The following TRDN variants were observed in gnomAD, a reference collection of about 807,000 sequenced individuals.
The protein encoded by TRDN is triadin in skeletal muscle.
A neutral mutation model predicts 149.7 loss-of-function variants in TRDN; 161 were observed. That is an observed-to-expected ratio of 1.08 (90% CI 0.95 to 1.23). The LOEUF is 1.23. Ranked by LOEUF, TRDN falls within the 50% of genes most tolerant of loss-of-function variation. TRDN has a pLI of 0.00. For synonymous variants in TRDN, 294 were observed against 250.5 expected (o/e 1.17, Z -1.64); for missense variants, 896 against 823.5 (o/e 1.09, Z -1.08).
intron 26 of TRDN, among the ~76,000 whole-genome samples, chr6:123,276,256 T>C (rs1777363491): frequency 6.6e-6 from 1 of 152,138 alleles, no homozygotes; most frequent in Non-Finnish European, 1.5e-5. Context: ...GCTAGAAATA[T>C]GAGTTTTAAA....
chr6:123,290,252 G>A (rs1216650072), intron 24 of TRDN, among the ~76,000 whole-genome samples: 1 of 151,810 alleles, frequency 6.6e-6, no homozygotes. Context: ...TCAGGCAGCT[G>A]GGTCCCAATT....
In TRDN at chr6:123,304,277, G is replaced by T. The variant is rs1455644236; in HGVS notation, c.1510+12180C>A. On this transcript the variant is annotated intron_variant, in intron 24 of 40. Coordinates refer to ENST00000334268, the MANE Select transcript of TRDN (RefSeq NM_006073.4). ...CTTTTTTTTTTTTTTTTTTTGAGAC[G>T]GAGTCTTGCTCTGTTGCCAGACTGG... Among the ~76,000 whole-genome samples, 3 of 131,830 alleles carry T rather than the reference G, an allele frequency of 2.3e-5. No individual in the cohort carries two copies. The Admixed American group carries it at 2.6e-4, about 11-fold the overall frequency. 86.5% of individuals were successfully genotyped at this position (131,830 alleles called of 152,430 possible). A position where few individuals can be genotyped will look rare whatever the true frequency, so the allele number is the denominator to read the frequency against.
chr6:123,271,462 T>C (rs912459552), intron 29 of TRDN, among the ~76,000 whole-genome samples: 2 of 152,056 alleles, frequency 1.3e-5, no homozygotes, highest in African/African-American at 4.8e-5. Context: ...TTGCCTTCAC[T>C]GTATTTCAGT....
At chr6:123,384,288 T>C (rs1781826946) in intron 14 of TRDN, among the ~76,000 whole-genome samples, 1 of 152,160 alleles carries the variant, frequency 6.6e-6, no homozygotes, top group Non-Finnish European at 1.5e-5. Flanking sequence ...CAATGTCCGT[T>C]TTAAGTTGTC....
intron 19 of TRDN, among the ~76,000 whole-genome samples, chr6:123,372,428 G>A (rs1781358568): frequency 6.6e-6 from 1 of 152,040 alleles, no homozygotes; most frequent in South Asian, 2.1e-4. Flanking sequence ...CTAAAATCAA[G>A]GGGTGAAAAA....
At chr6:123,316,518 A>T (rs752386226) in intron 23 of TRDN, 23 bp from the exon 24 acceptor site, 1 of 1,606,150 alleles carries the variant, frequency 6.2e-7, no homozygotes, top group Non-Finnish European at 8.5e-7. Context: ...GTACACATAA[A>T]CACGTACAAA....
chr6:123,617,053 T>C (rs1785126185), intron 1 of TRDN, among the ~76,000 whole-genome samples: 1 of 152,202 alleles, frequency 6.6e-6, no homozygotes, highest in Admixed American at 6.5e-5. Flanking sequence ...AAACAGATCA[T>C]ATTTAGCTGA....
chr6:123,504,786 C>T (rs1778845892), intron 7 of TRDN, among the ~76,000 whole-genome samples: 1 of 152,270 alleles, frequency 6.6e-6, no homozygotes, highest in South Asian at 2.1e-4. Context: ...TAATGTAGCA[C>T]ATAATTTGTG....
intron 1 of TRDN, among the ~76,000 whole-genome samples, chr6:123,586,333 G>A (rs577896283): frequency 4.5e-4 from 68 of 151,180 alleles, no homozygotes; most frequent in African/African-American, 1.4e-3. Context: ...GACCTAGCTC[G>A]GCCTGGCGAG....
intron 24 of TRDN, among the ~76,000 whole-genome samples, chr6:123,296,243 T>A (rs1778191309): frequency 6.6e-6 from 1 of 152,148 alleles, no homozygotes; most frequent in Admixed American, 6.6e-5. Flanking sequence ...GATGCAGATA[T>A]ATCTATGCCT....
chr6:123,520,030 G>T (rs927983548), intron 5 of TRDN, among the ~76,000 whole-genome samples: 3 of 151,974 alleles, frequency 2.0e-5, no homozygotes, highest in African/African-American at 7.2e-5. Context: ...AAAAAATTCT[G>T]TTTCAGCCAC....
rs138371088 is a variant in TRDN, at chr6:123,455,485, C to T, written c.931+9421G>A. 2.5e-3 allele frequency among the ~76,000 whole-genome samples: 377 copies of T among 150,700 alleles called. 4 individuals carry two copies. The highest frequency in any genetic ancestry group is 1.8e-3 in the Non-Finnish European group (119 of 67,750). On this transcript the variant is annotated intron_variant, in intron 10 of 40. Transcript: ENST00000334268. ...AAGAGAGAAGAAAAGAGGAGCGAGA[C>T]GGGAGAAGGAAAAGGAGATGCTATA...
At chr6:123,520,090 G>C (rs1176899075) in intron 5 of TRDN, among the ~76,000 whole-genome samples, 2 of 152,064 alleles carry the variant, frequency 1.3e-5, no homozygotes, top group African/African-American at 4.8e-5. Context: ...GTCTTTGTGT[G>C]TATGTTTCTT....
At chr6:123,283,556 A>T (rs890672594) in intron 24 of TRDN, among the ~76,000 whole-genome samples, 6 of 151,712 alleles carry the variant, frequency 4.0e-5, no homozygotes, top group African/African-American at 1.4e-4. Flanking sequence ...GATAAATAAG[A>T]TTAACCAAGG....
intron 2 of TRDN, among the ~76,000 whole-genome samples, chr6:123,557,803 A>AC (rs910533655): frequency 2.9e-3 from 413 of 140,798 alleles, no homozygotes; most frequent in East Asian, 0.011. Context: ...GGGGGCAAGC[A>AC]CCCCCCCCAC....
At chr6:123,309,070 T>A (rs1778717596) in intron 24 of TRDN, among the ~76,000 whole-genome samples, 1 of 152,030 alleles carries the variant, frequency 6.6e-6, no homozygotes, top group Admixed American at 6.6e-5. Flanking sequence ...CCTAGATTGT[T>A]ATAAAAGATT....
chr6:123,399,817 G>A (rs1358189873), intron 12 of TRDN, among the ~76,000 whole-genome samples: 3 of 151,956 alleles, frequency 2.0e-5, no homozygotes, highest in East Asian at 1.9e-4. Context: ...ACTTATCCTG[G>A]TAGTCCTCCA....
intron 1 of TRDN, among the ~76,000 whole-genome samples, chr6:123,585,603 G>A (rs1345093911): frequency 6.6e-6 from 1 of 152,310 alleles, no homozygotes; most frequent in Non-Finnish European, 1.5e-5. Flanking sequence ...AGAGCCTTGG[G>A]CCAGAGTTCC....
At chr6:123,498,615 C>G (rs1221119324) in intron 8 of TRDN, 1 of 470,616 alleles carries the variant, frequency 2.1e-6, no homozygotes, top group Non-Finnish European at 4.4e-6. Context: ...GCAGTAATAG[C>G]TGGAGTTTCT....
Sources: gnomAD v4.1 joint callset for allele counts (sites outside exome capture counted in the v4.1 genomes callset) on GRCh38, gnomAD v4.1.1 for gene constraint, MANE v1.5 for transcripts, NCBI Gene and HGNC (gene_info 2026-07-23, HGNC 2026-07-21) for gene names.